CCDC39: variants seen among roughly 807,000 people sequenced by gnomAD.
The protein encoded by CCDC39 is coiled-coil domain-containing protein 39.
In CCDC39, 113 loss-of-function variants were observed where a neutral mutation model predicts 121.0. The ratio of observed to expected loss-of-function variants is 0.93; its 90% CI spans 0.80 to 1.09. The LOEUF is 1.09. Ranked by LOEUF, CCDC39 falls within the 50% of genes least tolerant of loss-of-function variation. CCDC39 has a pLI of 0.00. For synonymous variants in CCDC39, 349 were observed against 352.2 expected (o/e 0.99, Z 0.10); for missense variants, 1,063 against 1,074.7 (o/e 0.99, Z 0.15).
chr3:180,642,354 T>C (rs1272709148), intron 12 of CCDC39, among the ~76,000 whole-genome samples, 153 bp from the exon 13 acceptor site: 1 of 140,302 alleles, frequency 7.1e-6, no homozygotes, highest in African/African-American at 2.9e-5. Context: ...TTGATCATAG[T>C]TTTTTTTTTT....
At chr3:180,666,195 C>T (rs1711871428) in intron 1 of CCDC39, among the ~76,000 whole-genome samples, 1 of 152,158 alleles carries the variant, frequency 6.6e-6, no homozygotes, top group South Asian at 2.1e-4. Flanking sequence ...ACTCTAGGTA[C>T]CTCATATAAA....
intron 13 of CCDC39, among the ~76,000 whole-genome samples, chr3:180,638,481 G>GA (rs1291702261): frequency 1.3e-5 from 2 of 151,970 alleles, no homozygotes; most frequent in Non-Finnish European, 2.9e-5. Flanking sequence ...AGGGATACAT[G>GA]AAAAAACCAT....
At chr3:180,657,993 A>C (rs956446406) in intron 6 of CCDC39, among the ~76,000 whole-genome samples, 2 of 152,068 alleles carry the variant, frequency 1.3e-5, no homozygotes, top group African/African-American at 4.8e-5. Flanking sequence ...TAATCCCAGC[A>C]CTTTGGGAGG....
chr3:180,653,581 A>G (rs145224097), intron 7 of CCDC39, among the ~76,000 whole-genome samples: 1 of 152,358 alleles, frequency 6.6e-6, no homozygotes, highest in East Asian at 1.9e-4. Flanking sequence ...ACTGAAACAG[A>G]AAAACAATTC....
intron 13 of CCDC39, among the ~76,000 whole-genome samples, chr3:180,634,879 C>T (rs1393043395): frequency 6.6e-6 from 1 of 152,180 alleles, no homozygotes; most frequent in East Asian, 1.9e-4. Context: ...CACACAAAGC[C>T]TTGGCCCTAT....
intron 11 of CCDC39, among the ~76,000 whole-genome samples, chr3:180,644,833 G>C (rs1303825374): frequency 6.6e-6 from 1 of 152,170 alleles, no homozygotes; most frequent in East Asian, 1.9e-4. Flanking sequence ...TCAGTTGGAT[G>C]AATCTGCAGA....
At chr3:180,666,358 G>A (rs1441734253) in intron 1 of CCDC39, among the ~76,000 whole-genome samples, 1 of 152,114 alleles carries the variant, frequency 6.6e-6, no homozygotes, top group African/African-American at 2.4e-5. Flanking sequence ...GTTTTAAGGT[G>A]TATGTTATCT....
At position 180,647,228 on chromosome 3, in the gene CCDC39, G is replaced by T. The variant is rs1446602414; in HGVS notation, c.1378C>A (p.Gln460Lys). ...AACCGTGACATTCTCCGTTCCACTT[G>T]TTGAATGTGAAAATCCTGTTACAGT... Reference protein sequence around the residue: ...IMYSQDFHIQQVERRMSRLKG... With the variant: ...IMYSQDFHIQKVERRMSRLKG... Residue 460 changes from glutamine to lysine, a missense_variant, in exon 11 of 20, where the codon CAA (glutamine) becomes AAA (lysine). By Grantham distance (53) the Gln-to-Lys change is moderately conservative. Transcript: ENST00000476379. 1.9e-6 allele frequency: 3 copies of T among 1,591,098 alleles called. No individual in the cohort carries two copies. The highest frequency in any genetic ancestry group is 2.6e-6 in the Non-Finnish European group (3 of 1,170,984).
At position 180,660,556 on chromosome 3, in the gene CCDC39, T is replaced by G. The variant is rs377363801; in HGVS notation, c.516+14A>C. 28 of 1,554,574 alleles carry G rather than the reference T, an allele frequency of 1.8e-5. No individual in the cohort carries two copies. Among genetic ancestry groups the G allele is most frequent in the East Asian group, 2.3e-5 (1 of 43,454 alleles). On this transcript the variant is annotated intron_variant, in intron 4 of 19. Coordinates refer to ENST00000476379, the MANE Select transcript of CCDC39 (RefSeq NM_181426.2). ...TTAGAGAAAACCTAACAGTTACAAT[T>G]TGTAATTTCTCACCCTGATTTTATT...
chr3:180,615,191 C>A, intron 19 of CCDC39, 114 bp from the exon 20 acceptor site: 2 of 715,498 alleles, frequency 2.8e-6, no homozygotes, highest in South Asian at 2.2e-5. Flanking sequence ...CAAAAAAGTA[C>A]ATATTAATAG....
chr3:180,637,407 C>A (rs1316762600), intron 13 of CCDC39, among the ~76,000 whole-genome samples: 5 of 151,642 alleles, frequency 3.3e-5, no homozygotes, highest in Non-Finnish European at 7.4e-5. Flanking sequence ...CCATTAAAGT[C>A]AAATAAAATA....
chr3:180,629,119 G>A (rs745783026), intron 14 of CCDC39, among the ~76,000 whole-genome samples: 3 of 152,128 alleles, frequency 2.0e-5, no homozygotes, highest in Non-Finnish European at 2.9e-5. Context: ...AATATGAAAT[G>A]AACTTTTATT....
intron 14 of CCDC39, among the ~76,000 whole-genome samples, chr3:180,627,140 C>T (rs1265042551): frequency 6.6e-6 from 1 of 152,104 alleles, no homozygotes; most frequent in Non-Finnish European, 1.5e-5. Flanking sequence ...TGCAGCAGGG[C>T]AGGGGGAATT....
Position 180,615,093 on chromosome 3 carries a change from GAATTATA to G in CCDC39, c.2670-23_2670-17del. The G allele has an allele frequency of 6.6e-7, 1 of 1,505,784 alleles. No individual in the cohort carries two copies. The highest frequency in any genetic ancestry group is 8.8e-7 in the Non-Finnish European group (1 of 1,130,068). 93.3% of individuals were successfully genotyped at this position (1,505,784 alleles called of 1,614,324 possible). On this transcript the variant is annotated splice_polypyrimidine_tract_variant and intron_variant, in intron 19 of 19. Transcript: ENST00000476379. ...CCTAGATGACCTAGAAGAAAAACCA[GAATTATA>G]AATTCAATGCAAAGTTTATATTTTA...
At chr3:180,643,750 C>T (rs922943718) in intron 12 of CCDC39, among the ~76,000 whole-genome samples, 2 of 152,090 alleles carry the variant, frequency 1.3e-5, no homozygotes, top group Admixed American at 1.3e-4. Context: ...TGAACAACTG[C>T]ACTGTACATG....
Position 180,677,187 on chromosome 3 carries a change from T to TAC in CCDC39, c.90+2103_90+2104insGT, listed in dbSNP as rs1334507133. Among the ~76,000 whole-genome samples, 52 of 91,272 alleles carry TAC rather than the reference T, an allele frequency of 5.7e-4. 3 individuals are homozygous for TAC. The highest frequency in any genetic ancestry group is 2.4e-3 in the Admixed American group (20 of 8,252). The allele number at this position is 91,272 out of a possible 152,430, so 59.9% of individuals were successfully genotyped here. Reference sequence around the variant, plus strand: ...ATAATTTTATATATATATATATATATATATATATATATATATATATATATA... The same window carrying TAC: ...ATAATTTTATATATATATATATATATACATATATATATATATATATATATATA... On this transcript the variant is annotated intron_variant, in intron 1 of 19. Transcript: ENST00000476379.
chr3:180,659,308 C>G, intron 6 of CCDC39, 144 bp downstream of exon 6: 1 of 991,048 alleles, frequency 1.0e-6, no homozygotes, highest in Non-Finnish European at 1.4e-6. Context: ...ATAGAGTCAG[C>G]TTTCAAAAAT....
chr3:180,670,258 T>C (rs1336376463), intron 1 of CCDC39, among the ~76,000 whole-genome samples: 3 of 152,036 alleles, frequency 2.0e-5, no homozygotes, highest in Non-Finnish European at 4.4e-5. Context: ...TTTTTAAGGA[T>C]GTGTACAAGT....
chr3:180,630,883 T>C (rs1296829809), intron 14 of CCDC39, among the ~76,000 whole-genome samples: 3 of 152,162 alleles, frequency 2.0e-5, no homozygotes, highest in Non-Finnish European at 4.4e-5. Flanking sequence ...ACAGCTGCCA[T>C]ACCAGGACTC....
Sources: allele counts gnomAD v4.1 joint callset (sites outside exome capture counted in the v4.1 genomes callset), GRCh38; gene constraint gnomAD v4.1.1; transcripts MANE v1.5; gene names NCBI Gene and HGNC (gene_info 2026-07-23, HGNC 2026-07-21).